The following RBFOX1 variants were observed in gnomAD, a reference collection of about 807,000 sequenced individuals.
RBFOX1 encodes RNA binding fox-1 homolog 1.
Under a neutral mutation model 57.7 loss-of-function variants are expected in RBFOX1, and 8 were observed. That is an observed-to-expected ratio of 0.14 (90% CI 0.08 to 0.25). The LOEUF (loss-of-function observed/expected upper bound fraction) is 0.25. Ranked by LOEUF, RBFOX1 falls within the 10% of genes least tolerant of loss-of-function variation. The pLI, the probability that RBFOX1 is intolerant of heterozygous loss-of-function variation, is 1.00. For missense variants in RBFOX1, 611 were observed against 548.5 expected (o/e 1.11, Z -1.14); for synonymous variants, 326 against 222.4 (o/e 1.47, Z -4.15).
intron 2 of RBFOX1, among the ~76,000 whole-genome samples, chr16:6,500,459 C>T (rs2095878215): frequency 6.6e-6 from 1 of 152,114 alleles, no homozygotes; most frequent in South Asian, 2.1e-4. Flanking sequence ...ATTGCAGCTC[C>T]AACACCTAGT....
chr16:6,847,143 C>T (rs935335828), intron 3 of RBFOX1, among the ~76,000 whole-genome samples: 1 of 152,172 alleles, frequency 6.6e-6, no homozygotes, highest in Non-Finnish European at 1.5e-5. Flanking sequence ...CCACTCCTGT[C>T]TTGCGGCCAT....
intron 3 of RBFOX1, among the ~76,000 whole-genome samples, chr16:6,774,588 A>G (rs995834698): frequency 6.6e-6 from 1 of 152,212 alleles, no homozygotes; most frequent in African/African-American, 2.4e-5. Context: ...GTTACAAACA[A>G]TCTACATGTC....
rs1255630104 is a variant in RBFOX1, at chr16:7,712,501, CAA to C, written c.*1758_*1759del. 6.6e-6 allele frequency: 1 copy of C among 152,364 alleles called. No homozygotes were observed. The highest frequency in any genetic ancestry group is 1.5e-5 in the Non-Finnish European group (1 of 68,002). The allele number at this position is 152,364 out of a possible 1,614,324, so 9.4% of individuals were successfully genotyped here. On this transcript the variant is annotated 3_prime_UTR_variant, in exon 16 of 16. Coordinates refer to ENST00000550418, the MANE Select transcript of RBFOX1 (RefSeq NM_018723.4). ...AATAAAGTTTCACAAGATTTGAAAA[CAA>C]AGTTTCTGTAGCTTCGATACCTAAG...
intron 11 of RBFOX1, among the ~76,000 whole-genome samples, chr16:7,638,630 GTTA>G (rs556232287): frequency 4.5e-4 from 68 of 152,296 alleles, no homozygotes; most frequent in African/African-American, 1.4e-3. Flanking sequence ...AAGGCTGGAT[GTTA>G]TTAATATTTT....
intron 3 of RBFOX1, among the ~76,000 whole-genome samples, chr16:6,877,568 C>A (rs1348904404): frequency 6.6e-6 from 1 of 152,032 alleles, no homozygotes; most frequent in Non-Finnish European, 1.5e-5. Context: ...ATTCACAGCC[C>A]CAGAGTCTTG....
At chr16:7,448,789 C>T (rs1293490066) in intron 4 of RBFOX1, among the ~76,000 whole-genome samples, 1 of 152,144 alleles carries the variant, frequency 6.6e-6, no homozygotes, top group Non-Finnish European at 1.5e-5. Context: ...TGTCTGTCTT[C>T]ACCTAATCTT....
chr16:6,747,445 AGTCTGTCTGTCT>A (rs367859716), intron 3 of RBFOX1, among the ~76,000 whole-genome samples: 2 of 83,288 alleles, frequency 2.4e-5, no homozygotes, highest in Non-Finnish European at 5.5e-5. Context: ...TCAGTCAGTT[AGTCTGTCTGTCT>A]GTCTGTCTGT....
chr16:6,724,314 G>T (rs1483681382), intron 3 of RBFOX1, among the ~76,000 whole-genome samples: 1 of 150,770 alleles, frequency 6.6e-6, no homozygotes, highest in Non-Finnish European at 1.5e-5. Context: ...GCTTCAAGCA[G>T]TTCTCTTGCC....
rs1007863006 is a variant in RBFOX1, at chr16:7,304,069, C to T, written c.28-214078C>T. 1.0e-5 allele frequency: 4 copies of T among 392,148 alleles called. No individual in the cohort carries two copies. In the South Asian group the frequency reaches 3.1e-4, roughly 31 times the overall value. 24.3% of individuals were successfully genotyped at this position (392,148 alleles called of 1,614,324 possible). ...CGCGCGAAGGGAACCAACTAGTTTC[C>T]AGGTCCCCGCAAGTGTTTTAGTTGG... On this transcript the variant is annotated intron_variant, in intron 4 of 15. Coordinates refer to ENST00000550418, the MANE Select transcript of RBFOX1 (RefSeq NM_018723.4).
chr16:6,657,247 A>T (rs571400408), intron 3 of RBFOX1, among the ~76,000 whole-genome samples: 1 of 149,374 alleles, frequency 6.7e-6, no homozygotes, highest in Admixed American at 6.7e-5. Flanking sequence ...CTTCCTTCAA[A>T]TTCCCAGTAA....
chr16:5,904,699 C>T (rs540670725), intron 4 of RBFOX1, among the ~76,000 whole-genome samples: 3 of 151,952 alleles, frequency 2.0e-5, no homozygotes, highest in South Asian at 2.1e-4. Context: ...TCAGATGGGC[C>T]GGGCACAGTG....
Position 6,997,251 on chromosome 16 carries a change from A to G in RBFOX1, c.-15-54806A>G, listed in dbSNP as rs142193224. Among the ~76,000 whole-genome samples, 58 of 152,168 alleles carry G rather than the reference A, an allele frequency of 3.8e-4. 2 individuals are homozygous for G. In the East Asian group the frequency reaches 0.011, roughly 28 times the overall value. On this transcript the variant is annotated intron_variant, in intron 3 of 15. Transcript: ENST00000550418. Reference sequence around the variant, plus strand: ...TCCCTTTGAAGACTAGAGTGATTTGACTCAACTTCTCCTTCTAGTAAAAAA... The same window carrying G: ...TCCCTTTGAAGACTAGAGTGATTTGGCTCAACTTCTCCTTCTAGTAAAAAA...
At chr16:5,389,698 G>GTTATT (rs930745128) in intron 1 of RBFOX1, among the ~76,000 whole-genome samples, 24 of 149,952 alleles carry the variant, frequency 1.6e-4, no homozygotes, top group Admixed American at 6.7e-4. Flanking sequence ...TTTATTTTAT[G>GTTATT]TTATTTTATT....
chr16:5,550,935 A>C (rs984427452), intron 2 of RBFOX1, among the ~76,000 whole-genome samples: 5 of 152,194 alleles, frequency 3.3e-5, no homozygotes, highest in African/African-American at 7.2e-5. Flanking sequence ...CTTGGAAACC[A>C]CAGCTGATGG....
At chr16:6,794,833 C>G (rs749888492) in intron 3 of RBFOX1, among the ~76,000 whole-genome samples, 1 of 152,138 alleles carries the variant, frequency 6.6e-6, no homozygotes, top group East Asian at 1.9e-4. Flanking sequence ...GCAGGCACTG[C>G]TTTCCAAGGT....
intron 4 of RBFOX1, among the ~76,000 whole-genome samples, chr16:5,985,037 CAGT>C (rs1475384610): frequency 7.6e-6 from 1 of 132,408 alleles, no homozygotes; most frequent in Non-Finnish European, 1.5e-5. Context: ...GGCTGGAGTG[CAGT>C]AGTAGTGCGA....
intron 1 of RBFOX1, among the ~76,000 whole-genome samples, chr16:6,160,545 T>A (rs757264942): frequency 2.6e-5 from 4 of 152,162 alleles, no homozygotes; most frequent in Non-Finnish European, 5.9e-5. Flanking sequence ...CAGAGCCTCA[T>A]ACACAGATCC....
intron 1 of RBFOX1, among the ~76,000 whole-genome samples, chr16:5,409,951 G>C (rs1488477264): frequency 6.6e-6 from 1 of 151,854 alleles, no homozygotes; most frequent in Non-Finnish European, 1.5e-5. Context: ...GGGAAGGTGA[G>C]GTAGGAGAAT....
At chr16:6,325,258 C>G (rs2082247056) in intron 2 of RBFOX1, among the ~76,000 whole-genome samples, 2 of 152,230 alleles carry the variant, frequency 1.3e-5, no homozygotes, top group South Asian at 4.1e-4. Context: ...ACTTCAGAAG[C>G]TGAGGCAGGA....
Sources: allele counts gnomAD v4.1 joint callset (sites outside exome capture counted in the v4.1 genomes callset), GRCh38; gene constraint gnomAD v4.1.1; transcripts MANE v1.5; gene names NCBI Gene and HGNC (gene_info 2026-07-23, HGNC 2026-07-21).